The following SLF1 variants were observed in gnomAD, a reference collection of about 807,000 sequenced individuals.
SLF1 encodes the protein SMC5/6 complex localization factor 1, also known as SMC5-SMC6 complex localization factor protein 1.
In SLF1, 105 loss-of-function variants were observed where a neutral mutation model predicts 123.0. The observed-to-expected ratio is 0.85, with a 90% CI of 0.73 to 1.00. The LOEUF is 1.00. Ranked by LOEUF, SLF1 falls within the 50% of genes least tolerant of loss-of-function variation. The pLI, the probability that SLF1 is intolerant of heterozygous loss-of-function variation, is 0.00. For missense variants in SLF1, 1,239 were observed against 1,223.0 expected (o/e 1.01, Z -0.20); for synonymous variants, 434 against 406.6 (o/e 1.07, Z -0.81).
chr5:94,689,325 A>G, intron 17 of SLF1, 148 bp from the exon 18 acceptor site: 2 of 822,334 alleles, frequency 2.4e-6, no homozygotes, highest in Non-Finnish European at 3.5e-6. Context: ...CAGTTGAAAT[A>G]AATTTTAAAA....
intron 12 of SLF1, 120 bp downstream of exon 12, chr5:94,666,144 A>G: frequency 1.0e-6 from 1 of 967,004 alleles, no homozygotes; most frequent in South Asian, 1.9e-5. Flanking sequence ...TGTTGCAAAT[A>G]CAAATATGTA....
chr5:94,696,357 A>G lies in SLF1; in HGVS notation c.*1045A>G, dbSNP rs1753506243. The G allele has an allele frequency of 6.6e-6, 1 of 151,718 alleles. No homozygotes were observed. The highest frequency in any genetic ancestry group is 2.1e-4 in the South Asian group (1 of 4,834). 9.4% of individuals were successfully genotyped at this position (151,718 alleles called of 1,614,324 possible). A position where few individuals can be genotyped will look rare whatever the true frequency, so the allele number is the denominator to read the frequency against. ...TTTTATTTTGGAAATAGATATTTTA[A>G]CAAGATACAAATGCTCAGTATCATA... is the stretch of plus-strand genomic sequence containing the variant. On this transcript the variant is annotated 3_prime_UTR_variant, in exon 21 of 21. Transcript: ENST00000265140.
In SLF1 at chr5:94,689,491, A is replaced by G; in HGVS notation, c.2304A>G (p.Lys768=). The G allele has an allele frequency of 1.9e-6, 3 of 1,612,446 alleles. No individual in the cohort carries two copies. Among genetic ancestry groups the G allele is most frequent in the Non-Finnish European group, 2.5e-6 (3 of 1,179,276 alleles). Residue 768 remains lysine, a synonymous_variant, in exon 18 of 21, where the codon AAA becomes AAG. Transcript: ENST00000265140. ...CTTTCAGAGACCTGAACCTTGCTAAATGTTCCTCATCATTAAAAAAATTGA... is the reference window on the plus strand; with the variant it reads ...CTTTCAGAGACCTGAACCTTGCTAAGTGTTCCTCATCATTAAAAAAATTGA... ...LPELLDLNLA[K]CSSSLKKLKK...
chr5:94,654,787 T>C (rs1160201749), intron 9 of SLF1, 35 bp downstream of exon 9: 3 of 1,454,348 alleles, frequency 2.1e-6, no homozygotes, highest in East Asian at 2.6e-5. Flanking sequence ...TTGTATAATA[T>C]CGTGTCTTAC....
chr5:94,619,128 C>G (rs186102262), intron 1 of SLF1, among the ~76,000 whole-genome samples: 2 of 152,110 alleles, frequency 1.3e-5, no homozygotes, highest in Non-Finnish European at 2.9e-5. Context: ...CTAGGCCCCC[C>G]GCGTCTCTCG....
intron 12 of SLF1, among the ~76,000 whole-genome samples, chr5:94,667,366 A>G (rs1749897871): frequency 6.6e-6 from 1 of 152,132 alleles, no homozygotes; most frequent in African/African-American, 2.4e-5. Context: ...TTCCAAATCT[A>G]TTCCTTTCTT....
chr5:94,650,610 C>T (rs185296550), intron 6 of SLF1, among the ~76,000 whole-genome samples: 49 of 152,200 alleles, frequency 3.2e-4, no homozygotes, highest in Admixed American at 2.2e-3. Flanking sequence ...GTGATCCGCC[C>T]GCCTCGGCCT....
chr5:94,628,081 C>T (rs1744759053), intron 1 of SLF1, among the ~76,000 whole-genome samples: 1 of 152,042 alleles, frequency 6.6e-6, no homozygotes, highest in African/African-American at 2.4e-5. Flanking sequence ...CCCGCCTCGG[C>T]CTCCCAAAGA....
intron 15 of SLF1, among the ~76,000 whole-genome samples, chr5:94,679,602 A>AC (rs1561469166): frequency 6.6e-6 from 1 of 151,970 alleles, no homozygotes; most frequent in African/African-American, 2.4e-5. Context: ...TTTAAAAAAA[A>AC]AAACAAACAA....
chr5:94,669,589 A>G (rs1163694344), intron 12 of SLF1, among the ~76,000 whole-genome samples: 1 of 152,212 alleles, frequency 6.6e-6, no homozygotes, highest in East Asian at 1.9e-4. Context: ...GTCCTTGGGT[A>G]TACAAGCCAC....
At chr5:94,636,798 A>G (rs1585119861) in intron 4 of SLF1, among the ~76,000 whole-genome samples, 3 of 140,274 alleles carry the variant, frequency 2.1e-5, no homozygotes, top group Admixed American at 1.5e-4. Context: ...GCTCACTGCA[A>G]CCTCCTCCTC....
At chr5:94,626,613 T>A (rs1792272101) in intron 1 of SLF1, among the ~76,000 whole-genome samples, 1 of 152,200 alleles carries the variant, frequency 6.6e-6, no homozygotes, top group Non-Finnish European at 1.5e-5. Context: ...GAGTAAACAT[T>A]GTTTTGAAGG....
chr5:94,651,637 T>G, intron 6 of SLF1, 65 bp from the exon 7 acceptor site: 1 of 1,305,760 alleles, frequency 7.7e-7, no homozygotes, highest in Non-Finnish European at 1.0e-6. Flanking sequence ...TTGTGACTTG[T>G]GTTGATTGTG....
chr5:94,693,397 G>T (rs1484438227), intron 20 of SLF1, among the ~76,000 whole-genome samples: 1 of 151,906 alleles, frequency 6.6e-6, no homozygotes, highest in African/African-American at 2.4e-5. Context: ...GCCAATATTT[G>T]TTAGGAGCCA....
At chr5:94,643,516 A>C (rs1038434421) in intron 5 of SLF1, 81 bp downstream of exon 5, 1 of 1,036,002 alleles carries the variant, frequency 9.7e-7, no homozygotes, top group African/African-American at 1.7e-5. Context: ...AATATATATT[A>C]AAGTTGTGTT....
intron 17 of SLF1, 30 bp downstream of exon 17, chr5:94,688,699 T>G (rs775273538): frequency 2.5e-6 from 4 of 1,611,152 alleles, no homozygotes; most frequent in Non-Finnish European, 2.5e-6. Context: ...CAGCTGTGCT[T>G]TGTTTTGGAG....
intron 16 of SLF1, 148 bp downstream of exon 16, chr5:94,686,866 T>A: frequency 2.2e-6 from 2 of 905,326 alleles, no homozygotes; most frequent in Non-Finnish European, 3.1e-6. Flanking sequence ...CGGCTCACTG[T>A]AAGCTCCGCC....
At chr5:94,680,201 T>A (rs1244271350) in intron 15 of SLF1, among the ~76,000 whole-genome samples, 1 of 152,226 alleles carries the variant, frequency 6.6e-6, no homozygotes, top group Non-Finnish European at 1.5e-5. Flanking sequence ...AGGTTATAAC[T>A]GGGTTCAGGA....
intron 5 of SLF1, 108 bp from the exon 6 acceptor site, chr5:94,649,346 A>T: frequency 1.1e-6 from 1 of 921,200 alleles, no homozygotes; most frequent in Non-Finnish European, 1.5e-6. Flanking sequence ...CATTTTACCT[A>T]CTTGTTTGAC....
Sources: allele counts gnomAD v4.1 joint callset (sites outside exome capture counted in the v4.1 genomes callset), GRCh38; gene constraint gnomAD v4.1.1; transcripts MANE v1.5; gene names NCBI Gene and HGNC (gene_info 2026-07-23, HGNC 2026-07-21).